The following PROSER2 variants were observed in gnomAD, a reference collection of about 807,000 sequenced individuals.
PROSER2 encodes the protein proline and serine rich 2.
Under a neutral mutation model 14.6 loss-of-function variants are expected in PROSER2, and 18 were observed. The ratio of observed to expected loss-of-function variants is 1.23; its 90% confidence interval spans 0.85 to 1.83. PROSER2 has a LOEUF of 1.83. PROSER2 is among the 40% of genes most tolerant of loss of function. PROSER2 has a pLI of 0.00. For missense variants in PROSER2, 823 were observed against 629.8 expected, an observed-to-expected ratio of 1.31 and a Z score of -3.28; for synonymous variants, 367 against 286.4, an observed-to-expected ratio of 1.28 and a Z score of -2.84.
chr10:11,836,701 G>A lies in PROSER2; in HGVS notation c.-82+13231G>A, dbSNP rs954627963. 3.9e-5 allele frequency among the ~76,000 whole-genome samples: 6 copies of A among 152,122 alleles called. No homozygotes were observed. The highest frequency in any genetic ancestry group is 1.4e-4 in the African/African-American group (6 of 41,426). On this transcript the variant is annotated intron_variant, in intron 1 of 3. Transcript: ENST00000277570. This position sits in a 1 kb window ranked among gnomAD's most constrained non-coding sequence, Gnocchi z 4.6. ...ACAGGAAGGGGGATGTCTTTTAGAA[G>A]CTCATTTCTACCTCTTTCCCAGCTC... is the stretch of plus-strand genomic sequence containing the variant.
rs569854721 is a variant in PROSER2, at chr10:11,868,254, C to T, written c.392-1236C>T. Among the ~76,000 whole-genome samples the T allele has an allele frequency of 2.0e-5, 3 of 152,296 alleles. No homozygotes were observed. The South Asian group carries it at 6.2e-4, about 32-fold the overall frequency. On this transcript the variant is annotated intron_variant, in intron 3 of 3. Coordinates refer to ENST00000277570, the MANE Select transcript of PROSER2 (RefSeq NM_153256.4). ...AATCAGCTACACCTGTCCATCTGTTCTCTAACATATTTTCATAACAATTTT... is the reference window on the plus strand; with the variant it reads ...AATCAGCTACACCTGTCCATCTGTTTTCTAACATATTTTCATAACAATTTT...
intron 1 of PROSER2, among the ~76,000 whole-genome samples, chr10:11,845,241 C>T (rs1299740603): frequency 1.3e-5 from 2 of 152,138 alleles, no homozygotes; most frequent in African/African-American, 4.8e-5. Context: ...AGATACTATG[C>T]GGTTGCCCCC....
chr10:11,870,092 G>T lies in PROSER2; in HGVS notation c.994G>T (p.Gly332Trp). 7.7e-7 allele frequency: 1 copy of T among 1,296,462 alleles called. No individual in the cohort carries two copies. The highest frequency in any genetic ancestry group is 2.1e-5 in the South Asian group (1 of 46,916). 80.3% of individuals were successfully genotyped at this position (1,296,462 alleles called of 1,614,324 possible). Residue 332 changes from glycine (G) to tryptophan (W), a missense_variant, in exon 4 of 4, where the codon GGG (glycine) becomes TGG (tryptophan). Coordinates refer to ENST00000277570, the MANE Select transcript of PROSER2 (RefSeq NM_153256.4). Reference sequence around the variant, plus strand: ...GGGCCCCGCTGAGAGTCTCCGGGCAGGGGGTCAGGCTCCGCGGGGCCCGGC... The same window carrying T: ...GGGCCCCGCTGAGAGTCTCCGGGCATGGGGTCAGGCTCCGCGGGGCCCGGC... ...LPGPAESLRAGGQAPRGPALA... is the reference protein window; with the variant it reads ...LPGPAESLRAWGQAPRGPALA...
At chr10:11,849,689 T>C (rs1483073986) in intron 1 of PROSER2, 1 of 152,194 alleles carries the variant, frequency 6.6e-6, no homozygotes, top group Non-Finnish European at 1.5e-5. Flanking sequence ...AACAATTAAG[T>C]GATGTTTCAA....
intron 2 of PROSER2, among the ~76,000 whole-genome samples, chr10:11,863,409 G>C (rs1834281869): frequency 1.3e-5 from 2 of 152,040 alleles, no homozygotes; most frequent in Admixed American, 1.3e-4. Flanking sequence ...GCACAGACGT[G>C]CACCTGTAGT....
At chr10:11,847,309 C>T (rs914769836) in intron 1 of PROSER2, among the ~76,000 whole-genome samples, 7 of 152,052 alleles carry the variant, frequency 4.6e-5, no homozygotes, top group Admixed American at 3.3e-4. Flanking sequence ...ATTGCTGTTC[C>T]CAGCGCAGCC....
chr10:11,870,462 A>G lies in PROSER2; in HGVS notation c.*56A>G. 3 of 1,323,646 alleles carry G rather than the reference A, an allele frequency of 2.3e-6. No individual in the cohort carries two copies. Among genetic ancestry groups the G allele is most frequent in the South Asian group, 3.3e-5 (2 of 60,788 alleles). 82.0% of individuals were successfully genotyped at this position (1,323,646 alleles called of 1,614,324 possible). ...CTCCCCACCCTGAAGAGAGGGTGAAAGAGTCGCTGCACCCAGGAGCTGTTT... is the reference window on the plus strand; with the variant it reads ...CTCCCCACCCTGAAGAGAGGGTGAAGGAGTCGCTGCACCCAGGAGCTGTTT... On this transcript the variant is annotated 3_prime_UTR_variant, in exon 4 of 4. Coordinates refer to ENST00000277570, the MANE Select transcript of PROSER2 (RefSeq NM_153256.4).
chr10:11,837,984 T>C lies in PROSER2; in HGVS notation c.-81-14013T>C, dbSNP rs1833785162. 6.6e-6 allele frequency among the ~76,000 whole-genome samples: 1 copy of C among 152,058 alleles called. No homozygotes were observed. The highest frequency in any genetic ancestry group is 2.1e-4 in the South Asian group (1 of 4,800). On this transcript the variant is annotated intron_variant, in intron 1 of 3. Transcript: ENST00000277570. This position sits in a 1 kb window ranked among gnomAD's most constrained non-coding sequence, Gnocchi z 4.6. ...TAGGTGGTGCCTGTCTTTTCTTCCC[T>C]CATTAGATCATAACTTATCTGCCTG...
At chr10:11,828,813 T>C (rs545430398) in intron 1 of PROSER2, among the ~76,000 whole-genome samples, 1 of 152,328 alleles carries the variant, frequency 6.6e-6, no homozygotes, top group South Asian at 2.1e-4. Flanking sequence ...GTGTGGGCCC[T>C]GCTCCCATGA....
intron 1 of PROSER2, among the ~76,000 whole-genome samples, chr10:11,839,739 C>T (rs945421141): frequency 8.0e-5 from 12 of 149,888 alleles, no homozygotes; most frequent in African/African-American, 2.7e-4. Context: ...GCAGGAGAAT[C>T]GCTTGAACCC....
chr10:11,867,379 A>G (rs1834374835), intron 3 of PROSER2, among the ~76,000 whole-genome samples: 1 of 152,104 alleles, frequency 6.6e-6, no homozygotes, highest in African/African-American at 2.4e-5. Context: ...CTTCCAGGTA[A>G]TTATTCTATT....
In PROSER2 at chr10:11,866,708, G is replaced by T. The variant is rs1158100965; in HGVS notation, c.316G>T (p.Asp106Tyr). The T allele has an allele frequency of 1.2e-6, 2 of 1,614,080 alleles. No homozygotes were observed. Among genetic ancestry groups the T allele is most frequent in the African/African-American group, 1.3e-5 (1 of 75,060 alleles). ...CACCTCCAGTCCCTCCGAGCCTGAA[G>T]ATGTCATCGACTTAGTGCAGCCAGC... is the stretch of plus-strand genomic sequence containing the variant. ...ESTSSPSEPE[D>Y]VIDLVQPAPG... The change falls in exon 3 of 4, where the codon GAT (aspartate) becomes TAT (tyrosine). Residue 106 changes from aspartate (D) to tyrosine (Y), a missense_variant. By Grantham distance (160) the Asp-to-Tyr change is radical (BLOSUM62 -3). Coordinates refer to ENST00000277570, the MANE Select transcript of PROSER2 (RefSeq NM_153256.4). This position sits in a 1 kb window ranked among gnomAD's most constrained non-coding sequence, Gnocchi z 6.0.
chr10:11,846,603 C>G (rs1032357419), intron 1 of PROSER2, among the ~76,000 whole-genome samples: 1 of 152,100 alleles, frequency 6.6e-6, no homozygotes, highest in African/African-American at 2.4e-5. Flanking sequence ...TTTTTTAGGT[C>G]GATAGCATTT....
At chr10:11,860,203 C>G (rs764382217) in intron 2 of PROSER2, among the ~76,000 whole-genome samples, 1 of 152,242 alleles carries the variant, frequency 6.6e-6, no homozygotes, top group African/African-American at 2.4e-5. Flanking sequence ...GCTTGGGATA[C>G]ACACCAGGTG....
Position 11,823,543 on chromosome 10 carries a change from G to A in PROSER2, c.-82+73G>A, listed in dbSNP as rs1833568593. 6.5e-6 allele frequency: 1 copy of A among 153,496 alleles called. No individual in the cohort carries two copies. Among genetic ancestry groups the A allele is most frequent in the Admixed American group, 6.5e-5 (1 of 15,270 alleles). 9.5% of individuals were successfully genotyped at this position (153,496 alleles called of 1,614,324 possible). On this transcript the variant is annotated intron_variant, in intron 1 of 3. Transcript: ENST00000277570. This position sits in a 1 kb window ranked among gnomAD's most constrained non-coding sequence, Gnocchi z 6.2. Reference sequence around the variant, plus strand: ...CGTCCTGGCGGCGGTGGCGGCGCTGGGCTCTGGCTGGGACGCCGGCGGGTC... The same window carrying A: ...CGTCCTGGCGGCGGTGGCGGCGCTGAGCTCTGGCTGGGACGCCGGCGGGTC...
chr10:11,843,085 C>T (rs758868952), intron 1 of PROSER2, among the ~76,000 whole-genome samples: 113 of 150,342 alleles, frequency 7.5e-4, no homozygotes, highest in South Asian at 1.7e-3. Context: ...GGATTACAGG[C>T]GCCCGCCACC....
chr10:11,852,684 A>ATTTTTTTTT (rs33939695), intron 2 of PROSER2, among the ~76,000 whole-genome samples: 7 of 98,026 alleles, frequency 7.1e-5, no homozygotes, highest in African/African-American at 1.2e-4. Context: ...ACACCCGGCT[A>ATTTTTTTTT]TTTTTTTTTT....
chr10:11,835,604 G>T (rs1188780014), intron 1 of PROSER2, among the ~76,000 whole-genome samples: 3 of 152,110 alleles, frequency 2.0e-5, no homozygotes, highest in Non-Finnish European at 4.4e-5. Flanking sequence ...ATCATTCATT[G>T]CTTCCTTTTC....
chr10:11,825,144 T>A (rs1348461210), intron 1 of PROSER2, among the ~76,000 whole-genome samples: 1 of 152,210 alleles, frequency 6.6e-6, no homozygotes, highest in African/African-American at 2.4e-5. Flanking sequence ...CACTGTGTGT[T>A]GATTTGGAAG....
Sources: gnomAD v4.1 joint callset for allele counts (sites outside exome capture counted in the v4.1 genomes callset) on GRCh38, gnomAD v4.1.1 for gene constraint, Gnocchi (gnomAD v3.1) non-coding constraint, MANE v1.5 for transcripts, NCBI Gene and HGNC (gene_info 2026-07-23, HGNC 2026-07-21) for gene names.